SLC30A9: variants seen among roughly 807,000 people sequenced by gnomAD.
SLC30A9 encodes the protein solute carrier family 30 member 9.
In SLC30A9, 58 loss-of-function variants were observed where a neutral mutation model predicts 87.5. The observed-to-expected ratio is 0.66, with a 90% CI of 0.54 to 0.82. The LOEUF is 0.82. Among genes scored for constraint, SLC30A9 ranks in the 40% least tolerant of loss-of-function variants. SLC30A9 has a pLI of 0.00. For missense variants in SLC30A9, 557 were observed against 679.1 expected, an observed-to-expected ratio of 0.82 and a Z score of 2.00; for synonymous variants, 234 against 233.0, an observed-to-expected ratio of 1.00 and a Z score of -0.04.
At chr4:42,083,981 C>CT (rs1718830057) in intron 17 of SLC30A9, among the ~76,000 whole-genome samples, 1 of 152,156 alleles carries the variant, frequency 6.6e-6, no homozygotes, top group Non-Finnish European at 1.5e-5. Context: ...AGTGTTCTTG[C>CT]TGGAGCAAAA....
rs150488423 is a variant in SLC30A9, at chr4:42,040,053, C to T, written c.737+1000C>T. Among the ~76,000 whole-genome samples the T allele has an allele frequency of 9.0e-3, 1,369 of 152,136 alleles. 23 individuals are homozygous for T. Among genetic ancestry groups the T allele is most frequent in the African/African-American group, 0.032 (1,308 of 41,476 alleles). ...CTACAATAGTGGTGGTACAGATAGA[C>T]GTAGACAGTTTCAACTTCTTAGAAG... On this transcript the variant is annotated intron_variant, in intron 8 of 17. Coordinates refer to ENST00000264451, the MANE Select transcript of SLC30A9 (RefSeq NM_006345.4).
chr4:42,033,793 T>C (rs1280380899), intron 6 of SLC30A9, among the ~76,000 whole-genome samples: 2 of 152,154 alleles, frequency 1.3e-5, no homozygotes, highest in Admixed American at 1.3e-4. Flanking sequence ...GCCAGGATGG[T>C]CTCGATGATC....
At chr4:42,028,272 C>T (rs1169398727) in intron 6 of SLC30A9, among the ~76,000 whole-genome samples, 2 of 152,148 alleles carry the variant, frequency 1.3e-5, no homozygotes, top group African/African-American at 2.4e-5. Flanking sequence ...TGCGTGCTAC[C>T]ATGCCCGGCT....
chr4:42,075,046 T>C (rs1718475763), intron 15 of SLC30A9, among the ~76,000 whole-genome samples: 1 of 16,882 alleles, frequency 5.9e-5, no homozygotes, highest in South Asian at 1.7e-3. Context: ...TATATATATA[T>C]ATATATATAT....
At chr4:42,035,776 G>A (rs1043854691) in intron 7 of SLC30A9, among the ~76,000 whole-genome samples, 38 of 151,898 alleles carry the variant, frequency 2.5e-4, no homozygotes, top group African/African-American at 9.2e-4. Flanking sequence ...GATTACAAGC[G>A]TGCCCGGCCT....
intron 13 of SLC30A9, among the ~76,000 whole-genome samples, chr4:42,066,834 A>T (rs1412341799): frequency 1.3e-5 from 2 of 152,192 alleles, no homozygotes; most frequent in Non-Finnish European, 2.9e-5. Flanking sequence ...GACTTAAGTG[A>T]ACTAAGGTAT....
At chr4:42,046,231 C>T (rs898226194) in intron 8 of SLC30A9, among the ~76,000 whole-genome samples, 8 of 152,116 alleles carry the variant, frequency 5.3e-5, no homozygotes, top group Non-Finnish European at 1.2e-4. Context: ...GAAGCTCTGG[C>T]CAGGGCAATC....
chr4:42,024,917 A>G (rs1355607806), intron 6 of SLC30A9, among the ~76,000 whole-genome samples: 2 of 152,190 alleles, frequency 1.3e-5, no homozygotes, highest in African/African-American at 4.8e-5. Context: ...ATTGATTTAA[A>G]TAAGTTTTTG....
chr4:42,007,211 A>G (rs369178195), intron 2 of SLC30A9, among the ~76,000 whole-genome samples: 3 of 152,118 alleles, frequency 2.0e-5, no homozygotes, highest in Non-Finnish European at 4.4e-5. Context: ...TAGTAATTGA[A>G]TCTGGGGGAT....
intron 17 of SLC30A9, chr4:42,078,981 GA>G (rs60367548): frequency 6.6e-6 from 1 of 151,936 alleles, no homozygotes; most frequent in Non-Finnish European, 1.5e-5. Flanking sequence ...AAAAATTGAA[GA>G]AAAAAACTTC....
intron 2 of SLC30A9, among the ~76,000 whole-genome samples, chr4:42,002,939 C>A (rs1004313698): frequency 2.6e-5 from 4 of 152,090 alleles, no homozygotes; most frequent in African/African-American, 9.7e-5. Flanking sequence ...TTCTGTCATT[C>A]TGTTATTAAT....
intron 14 of SLC30A9, among the ~76,000 whole-genome samples, chr4:42,067,961 A>G (rs909452408): frequency 2.0e-5 from 3 of 152,222 alleles, no homozygotes; most frequent in East Asian, 1.9e-4. Flanking sequence ...CAGCAAGCCT[A>G]CATATTTGTG....
At chr4:42,016,929 GCAA>G (rs1715747805) in intron 2 of SLC30A9, among the ~76,000 whole-genome samples, 1 of 152,162 alleles carries the variant, frequency 6.6e-6, no homozygotes, top group Non-Finnish European at 1.5e-5. Context: ...GTGCCCTCGT[GCAA>G]GAGTTTCTTG....
rs537984137 is a variant in SLC30A9 at position 42,070,038 on chromosome 4, A to G, written c.1253-488A>G. 2.6e-5 allele frequency among the ~76,000 whole-genome samples: 4 copies of G among 152,320 alleles called. No homozygotes were observed. The South Asian group carries it at 6.2e-4, about 24-fold the overall frequency. ...TTATCTAGAATGATACTAGCTATAT[A>G]TCATCCTTGGTTGGATGAGAAGAGA... On this transcript the variant is annotated intron_variant, in intron 14 of 17. Coordinates refer to ENST00000264451, the MANE Select transcript of SLC30A9 (RefSeq NM_006345.4).
At chr4:41,991,450 T>C (rs1714437054) in intron 1 of SLC30A9, among the ~76,000 whole-genome samples, 1 of 152,218 alleles carries the variant, frequency 6.6e-6, no homozygotes, top group Non-Finnish European at 1.5e-5. Flanking sequence ...TTTAAATGGT[T>C]TGAGAGTTTC....
chr4:42,086,187 C>A lies in SLC30A9; in HGVS notation c.*61C>A. ...GAAACAAGTTTGTCCGTCCACTCTACAAAGTTTCCTCCTCTCCTACACTGA... is the reference window on the plus strand; with the variant it reads ...GAAACAAGTTTGTCCGTCCACTCTAAAAAGTTTCCTCCTCTCCTACACTGA... On this transcript the variant is annotated 3_prime_UTR_variant, in exon 18 of 18. Transcript: ENST00000264451. The A allele has an allele frequency of 2.8e-6, 3 of 1,060,978 alleles. No homozygotes were observed. The highest frequency in any genetic ancestry group is 4.2e-6 in the Non-Finnish European group (3 of 715,432). The allele number at this position is 1,060,978 out of a possible 1,614,324, so 65.7% of individuals were successfully genotyped here.
intron 15 of SLC30A9, 86 bp from the exon 16 acceptor site, chr4:42,075,571 A>G: frequency 2.4e-6 from 3 of 1,269,736 alleles, no homozygotes; most frequent in Non-Finnish European, 3.3e-6. Flanking sequence ...GGGGAAAAAA[A>G]CAATAATTCA....
intron 14 of SLC30A9, among the ~76,000 whole-genome samples, chr4:42,069,842 CAG>C (rs1718236708): frequency 6.6e-6 from 1 of 152,174 alleles, no homozygotes; most frequent in Non-Finnish European, 1.5e-5. Flanking sequence ...TGGGGAAACA[CAG>C]AATGCTGAAA....
At chr4:42,048,612 C>A (rs1179043204) in intron 8 of SLC30A9, among the ~76,000 whole-genome samples, 1 of 152,102 alleles carries the variant, frequency 6.6e-6, no homozygotes, top group Non-Finnish European at 1.5e-5. Context: ...TGGCATCTAG[C>A]TGCTTCTAGT....
Sources: gnomAD v4.1 joint callset for allele counts (sites outside exome capture counted in the v4.1 genomes callset) on GRCh38, gnomAD v4.1.1 for gene constraint, MANE v1.5 for transcripts, NCBI Gene and HGNC (gene_info 2026-07-23, HGNC 2026-07-21) for gene names.